The following CNTRL variants were observed in gnomAD, a reference collection of about 807,000 sequenced individuals.
CNTRL encodes the protein centriolin, also known as 110 kDa centrosomal protein.
In CNTRL, 233 loss-of-function variants were observed where a neutral mutation model predicts 303.7. The observed-to-expected ratio is 0.77, with a 90% CI of 0.69 to 0.86. The LOEUF (loss-of-function observed/expected upper bound fraction) is 0.86. CNTRL is among the 40% of genes least tolerant of loss of function. CNTRL has a pLI of 0.00. For missense variants in CNTRL, 2,524 were observed against 2,650.6 expected (o/e 0.95, Z 1.05); for synonymous variants, 900 against 922.2 (o/e 0.98, Z 0.44).
Position 121,162,134 on chromosome 9 carries a change from G to A in CNTRL, c.5286G>A (p.Glu1762=), listed in dbSNP as rs765937031. The change falls in exon 34 of 44, where the codon GAG becomes GAA. Residue 1762 remains glutamate, a synonymous_variant. Transcript: ENST00000373855. ...TAGAGTGGCAGAAGCAGCTCCTTGAGAGGGATAAACGAGAAATAGAACGAA... is the reference window on the plus strand; with the variant it reads ...TAGAGTGGCAGAAGCAGCTCCTTGAAAGGGATAAACGAGAAATAGAACGAA... ...GEIEWQKQLL[E]RDKREIERMT... 21 of 1,614,074 alleles carry A rather than the reference G, an allele frequency of 1.3e-5. No homozygotes were observed. The highest frequency in any genetic ancestry group is 1.6e-5 in the Non-Finnish European group (19 of 1,180,040).
intron 43 of CNTRL, 45 bp downstream of exon 43, chr9:121,175,269 GT>G (rs772494967): frequency 4.4e-6 from 7 of 1,581,874 alleles, no homozygotes; most frequent in Non-Finnish European, 6.1e-6. Flanking sequence ...GCCTGAGGTT[GT>G]TTTTTGTCTT....
chr9:121,136,459 G>A (rs914817374), intron 15 of CNTRL, among the ~76,000 whole-genome samples: 4 of 151,942 alleles, frequency 2.6e-5, no homozygotes, highest in Non-Finnish European at 4.4e-5. Flanking sequence ...ACAGGTGCGC[G>A]CCACCATGCC....
chr9:121,169,518 A>T (rs2053220722), intron 38 of CNTRL, 93 bp from the exon 39 acceptor site: 3 of 1,209,868 alleles, frequency 2.5e-6, no homozygotes, highest in African/African-American at 1.5e-5. Flanking sequence ...TGGGTAGCAT[A>T]TCACCATTAT....
In CNTRL at chr9:121,118,478, CAGA is replaced by C. The variant is rs772869765; in HGVS notation, c.1591_1593del (p.Lys531del). On this transcript the variant is annotated inframe_deletion, in exon 12 of 44. Transcript: ENST00000373855. The stretch of plus-strand genomic sequence containing the variant: ...GCAAAAGCAGGAAATTGCCGGAAAG[CAGA>C]AGGAGATTAAGGACCTGCAAATAGC... The C allele has an allele frequency of 3.7e-6, 6 of 1,611,246 alleles. No individual in the cohort carries two copies. The African/African-American group carries it at 8.0e-5, about 22-fold the overall frequency.
chr9:121,165,168 T>C, intron 35 of CNTRL, 68 bp downstream of exon 35: 3 of 1,407,198 alleles, frequency 2.1e-6, no homozygotes, highest in Non-Finnish European at 2.9e-6. Context: ...TGATTTTTCT[T>C]ACGACAAGTA....
intron 22 of CNTRL, among the ~76,000 whole-genome samples, chr9:121,145,880 G>C (rs2051821027): frequency 6.6e-6 from 1 of 152,164 alleles, no homozygotes; most frequent in Non-Finnish European, 1.5e-5. Context: ...CTGGATGACG[G>C]AGTGAGACTC....
At chr9:121,119,131 G>C (rs1328174111) in intron 12 of CNTRL, among the ~76,000 whole-genome samples, 1 of 151,678 alleles carries the variant, frequency 6.6e-6, no homozygotes, top group Non-Finnish European at 1.5e-5. Flanking sequence ...TATGGAATGT[G>C]TATGTCTAAA....
intron 42 of CNTRL, among the ~76,000 whole-genome samples, chr9:121,174,477 A>G (rs909673041): frequency 6.6e-6 from 1 of 152,226 alleles, no homozygotes; most frequent in African/African-American, 2.4e-5. Context: ...TGGCTTCTAT[A>G]TTTATAGCCA....
At chr9:121,136,732 T>G (rs2051218959) in intron 15 of CNTRL, among the ~76,000 whole-genome samples, 1 of 152,206 alleles carries the variant, frequency 6.6e-6, no homozygotes, top group Non-Finnish European at 1.5e-5. Context: ...AAATATTTAT[T>G]GATTGGCCAT....
Position 121,173,417 on chromosome 9 carries a change from G to A in CNTRL, c.6592G>A (p.Gly2198Arg). Residue 2198 changes from glycine to arginine, a missense_variant, in exon 41 of 44, where the codon GGA becomes AGA. By Grantham distance (125) the Gly-to-Arg change is moderately radical. Coordinates refer to ENST00000373855, the MANE Select transcript of CNTRL (RefSeq NM_007018.6). The part of the protein sequence containing the change: ...AILERNENLE[G>R]ELESLKENLP... ...TTTGGAAAGAAACGAAAACCTAGAA[G>A]GAGAATTGGAAAGCTTGAAAGAGAA... 1 of 1,613,964 alleles carries A rather than the reference G, an allele frequency of 6.2e-7. No homozygotes were observed. The highest frequency in any genetic ancestry group is 1.1e-5 in the South Asian group (1 of 91,078).
At chr9:121,172,406 C>T (rs2053347826) in intron 40 of CNTRL, among the ~76,000 whole-genome samples, 1 of 151,992 alleles carries the variant, frequency 6.6e-6, no homozygotes, top group South Asian at 2.1e-4. Flanking sequence ...TTTAGGAGGC[C>T]AAGATAGGTG....
Position 121,083,431 on chromosome 9 carries a change from G to A in CNTRL, c.-32+2953G>A, listed in dbSNP as rs113617139. Among the ~76,000 whole-genome samples the A allele has an allele frequency of 1.1e-3, 173 of 152,018 alleles. 1 individual carries two copies. The highest frequency in any genetic ancestry group is 2.7e-3 in the African/African-American group (113 of 41,436). ...AACTGAGACGCAAACACACACATTA[G>A]CCTAGGCCTGTAAGGGTCAGGATCA... On this transcript the variant is annotated intron_variant, in intron 2 of 43. Coordinates refer to ENST00000373855, the MANE Select transcript of CNTRL (RefSeq NM_007018.6).
intron 32 of CNTRL, chr9:121,161,133 AGT>A (rs139754979): frequency 9.0e-5 from 31 of 345,870 alleles, no homozygotes; most frequent in South Asian, 1.5e-4. Flanking sequence ...AATGTGTGAG[AGT>A]GTGTGTGTGT....
intron 39 of CNTRL, among the ~76,000 whole-genome samples, chr9:121,170,512 G>A (rs1002343146): frequency 6.6e-6 from 1 of 151,978 alleles, no homozygotes; most frequent in African/African-American, 2.4e-5. Context: ...CTGGAGTGCA[G>A]TGGCATGATC....
intron 19 of CNTRL, among the ~76,000 whole-genome samples, chr9:121,143,018 T>A (rs2051609374): frequency 6.6e-6 from 1 of 152,176 alleles, no homozygotes; most frequent in Non-Finnish European, 1.5e-5. Context: ...GCACTTCCAC[T>A]GGTTGTTCCT....
Position 121,173,319 on chromosome 9 carries a change from A to AG in CNTRL, c.6496dup (p.Asp2166GlyfsTer2). On this transcript the variant is annotated frameshift_variant, in exon 41 of 44. Coordinates refer to ENST00000373855, the MANE Select transcript of CNTRL (RefSeq NM_007018.6). LOFTEE classifies it high-confidence loss of function. ...ATGAGGACACTTAAATCTGAGGTGA[A>AG]GGATGAAATCAGAACCAGCTTGAAG... 1 of 1,614,108 alleles carries AG rather than the reference A, an allele frequency of 6.2e-7. No individual in the cohort carries two copies. The highest frequency in any genetic ancestry group is 1.7e-5 in the Admixed American group (1 of 60,036).
intron 25 of CNTRL, among the ~76,000 whole-genome samples, chr9:121,151,437 C>T (rs2052253007): frequency 7.3e-6 from 1 of 136,710 alleles, no homozygotes; most frequent in Non-Finnish European, 1.5e-5. Context: ...TTCGCCCAGG[C>T]TGGAGTGCGG....
intron 6 of CNTRL, among the ~76,000 whole-genome samples, chr9:121,097,928 A>G (rs2048961324): frequency 6.6e-6 from 1 of 152,212 alleles, no homozygotes; most frequent in Non-Finnish European, 1.5e-5. Flanking sequence ...ATCTGAATAA[A>G]CTGTCAATTA....
chr9:121,105,608 G>T (rs113411561), intron 7 of CNTRL, among the ~76,000 whole-genome samples: 48 of 152,326 alleles, frequency 3.2e-4, no homozygotes, highest in Admixed American at 5.9e-4. Flanking sequence ...AAAGCAGTCC[G>T]CTAAGGAAGC....
Sources: allele counts gnomAD v4.1 joint callset (sites outside exome capture counted in the v4.1 genomes callset), GRCh38; gene constraint gnomAD v4.1.1; transcripts MANE v1.5; gene names NCBI Gene and HGNC (gene_info 2026-07-23, HGNC 2026-07-21).